Variants in MAGI2 observed in about 807,000 individuals in gnomAD.
MAGI2 encodes the protein membrane-associated guanylate kinase, WW and PDZ domain-containing protein 2.
In MAGI2, 35 loss-of-function variants were observed where a neutral mutation model predicts 133.3. That is an observed-to-expected ratio of 0.26 (90% CI 0.20 to 0.35). MAGI2 has a LOEUF of 0.35. MAGI2 is among the 10% of genes least tolerant of loss of function. The pLI, the probability that MAGI2 is intolerant of heterozygous loss-of-function variation, is 1.00. For missense variants in MAGI2, 1,636 were observed against 1,863.4 expected (o/e 0.88, Z 2.25); for synonymous variants, 729 against 710.6 (o/e 1.03, Z -0.41).
At chr7:78,344,100 G>T (rs182163925) in intron 8 of MAGI2, 140 bp from the exon 9 acceptor site, 23 of 645,338 alleles carry the variant, frequency 3.6e-5, no homozygotes, top group Admixed American at 3.5e-4. Flanking sequence ...AGCAGGTGGT[G>T]ACTGCAAGAG....
intron 2 of MAGI2, among the ~76,000 whole-genome samples, chr7:78,797,397 A>C (rs1371151844): frequency 6.6e-6 from 1 of 152,102 alleles, no homozygotes; most frequent in Non-Finnish European, 1.5e-5. Context: ...AGAAACCCTA[A>C]ATTCCATAAG....
In MAGI2 at chr7:78,873,581, T is replaced by C. The variant is rs865978920; in HGVS notation, c.418+133509A>G. Among the ~76,000 whole-genome samples the C allele has an allele frequency of 2.5e-4, 38 of 152,246 alleles. 1 individual carries two copies. The highest frequency in any genetic ancestry group is 8.9e-4 in the African/African-American group (37 of 41,532). On this transcript the variant is annotated intron_variant, in intron 2 of 21. Coordinates refer to ENST00000354212, the MANE Select transcript of MAGI2 (RefSeq NM_012301.4). Reference sequence around the variant, plus strand: ...AGGAAAACAAGCTCAGGACTCCCACTGATTCTACATTATGGTTGGTTGTAT... The same window carrying C: ...AGGAAAACAAGCTCAGGACTCCCACCGATTCTACATTATGGTTGGTTGTAT...
intron 6 of MAGI2, among the ~76,000 whole-genome samples, chr7:78,382,857 G>T (rs910265813): frequency 6.6e-6 from 1 of 151,964 alleles, no homozygotes; most frequent in Non-Finnish European, 1.5e-5. Context: ...GAGGACATAT[G>T]ATATTTGTCT....
intron 2 of MAGI2, among the ~76,000 whole-genome samples, chr7:78,635,369 T>C (rs551683335): frequency 6.6e-6 from 1 of 152,234 alleles, no homozygotes; most frequent in Non-Finnish European, 1.5e-5. Flanking sequence ...ATTTCCTAGT[T>C]TGAGTAAAAT....
At chr7:79,436,882 A>C (rs181950709) in intron 1 of MAGI2, among the ~76,000 whole-genome samples, 87 of 152,302 alleles carry the variant, frequency 5.7e-4, no homozygotes, top group African/African-American at 2.1e-3. Flanking sequence ...TCTATCAAAA[A>C]GATACCTGAA....
chr7:79,021,800 A>C (rs766119792), intron 1 of MAGI2, among the ~76,000 whole-genome samples: 2 of 151,992 alleles, frequency 1.3e-5, no homozygotes, highest in Non-Finnish European at 2.9e-5. Context: ...ATGTGAGGAC[A>C]TGAGATTTGG....
chr7:78,690,507 C>T (rs1208424847), intron 2 of MAGI2, among the ~76,000 whole-genome samples: 2 of 152,164 alleles, frequency 1.3e-5, no homozygotes, highest in Non-Finnish European at 1.5e-5. Flanking sequence ...TCACCAGATA[C>T]TTTTTGTCCT....
chr7:79,106,849 A>G (rs1030597136), intron 1 of MAGI2, among the ~76,000 whole-genome samples: 19 of 152,300 alleles, frequency 1.2e-4, no homozygotes, highest in Middle Eastern at 3.4e-3. Context: ...TTCTAGCTTC[A>G]TACTCTTCTA....
At chr7:79,384,421 A>T (rs936243918) in intron 1 of MAGI2, among the ~76,000 whole-genome samples, 1 of 149,838 alleles carries the variant, frequency 6.7e-6, no homozygotes, top group African/African-American at 2.5e-5. Flanking sequence ...GATAAATGGG[A>T]TATACTTTTA....
intron 1 of MAGI2, among the ~76,000 whole-genome samples, chr7:79,277,061 A>C (rs757862668): frequency 6.6e-6 from 1 of 152,176 alleles, no homozygotes; most frequent in African/African-American, 2.4e-5. Context: ...AAGAAGTTCT[A>C]CTGTAGGTAA....
At chr7:79,321,324 A>G (rs1839163501) in intron 1 of MAGI2, among the ~76,000 whole-genome samples, 1 of 152,194 alleles carries the variant, frequency 6.6e-6, no homozygotes, top group Non-Finnish European at 1.5e-5. Context: ...TGTGACCTGT[A>G]AATTTATTAA....
chr7:79,088,032 A>T lies in MAGI2; in HGVS notation c.302-80826T>A, dbSNP rs139383908. Among the ~76,000 whole-genome samples, 612 of 152,182 alleles carry T rather than the reference A, an allele frequency of 4.0e-3. 1 individual carries two copies. Among genetic ancestry groups the T allele is most frequent in the Non-Finnish European group, 6.0e-3 (406 of 67,974 alleles). ...TAGTTTTCTCCAGTTCTGTGAAGAA[A>T]GTCATTGGTAGCTTGATAGGGATAG... On this transcript the variant is annotated intron_variant, in intron 1 of 21. Transcript: ENST00000354212.
At chr7:79,262,667 G>C (rs1449673139) in intron 1 of MAGI2, among the ~76,000 whole-genome samples, 1 of 152,130 alleles carries the variant, frequency 6.6e-6, no homozygotes, top group Non-Finnish European at 1.5e-5. Flanking sequence ...GCTAGACCCG[G>C]GTAGGATACG....
Position 78,053,070 on chromosome 7 carries a change from A to G in MAGI2, c.3706+25877T>C, listed in dbSNP as rs537216255. Among the ~76,000 whole-genome samples the G allele has an allele frequency of 4.6e-5, 7 of 152,346 alleles. No individual in the cohort carries two copies. The East Asian group carries it at 1.3e-3, about 29-fold the overall frequency. On this transcript the variant is annotated intron_variant, in intron 21 of 21. Transcript: ENST00000354212. ...TTCAAAATAAAATGGTTACATTTTT[A>G]AAAAGAGAATTATTTTACCTCTTTT...
chr7:78,550,570 G>A (rs1189808814), intron 3 of MAGI2, among the ~76,000 whole-genome samples: 3 of 152,170 alleles, frequency 2.0e-5, no homozygotes, highest in Admixed American at 1.3e-4. Context: ...CCTGGACCTT[G>A]GAATACTGAC....
At chr7:78,274,678 C>A (rs1032183987) in intron 9 of MAGI2, among the ~76,000 whole-genome samples, 1 of 152,072 alleles carries the variant, frequency 6.6e-6, no homozygotes, top group Non-Finnish European at 1.5e-5. Context: ...GCTGCAGAGG[C>A]CTTGCTTAGC....
chr7:78,278,805 C>T (rs1795286874), intron 9 of MAGI2, among the ~76,000 whole-genome samples: 1 of 152,096 alleles, frequency 6.6e-6, no homozygotes, highest in Admixed American at 6.6e-5. Flanking sequence ...CTTCCCTGCC[C>T]TTCAGATTTT....
At chr7:78,317,163 T>C (rs1025584651) in intron 9 of MAGI2, among the ~76,000 whole-genome samples, 5 of 152,348 alleles carry the variant, frequency 3.3e-5, no homozygotes, top group Admixed American at 2.6e-4. Flanking sequence ...CCCCATTCCA[T>C]AGGTTAGTGG....
At chr7:78,852,172 A>AT (rs1485953871) in intron 2 of MAGI2, among the ~76,000 whole-genome samples, 4 of 152,006 alleles carry the variant, frequency 2.6e-5, no homozygotes, top group South Asian at 4.1e-4. Context: ...GCATTTGAGC[A>AT]TTTTTTCATA....
Sources: gnomAD v4.1 joint callset for allele counts (sites outside exome capture counted in the v4.1 genomes callset) on GRCh38, gnomAD v4.1.1 for gene constraint, MANE v1.5 for transcripts, NCBI Gene and HGNC (gene_info 2026-07-23, HGNC 2026-07-21) for gene names.